Variants in TMEM132D observed in about 807,000 individuals in gnomAD.
TMEM132D encodes mature OL transmembrane protein.
Under a neutral mutation model 62.3 loss-of-function variants are expected in TMEM132D, and 21 were observed. The ratio of observed to expected loss-of-function variants is 0.34; its 90% confidence interval spans 0.24 to 0.49. The LOEUF is 0.49. Among genes scored for constraint, TMEM132D ranks in the 20% least tolerant of loss-of-function variants. The probability of loss-of-function intolerance (pLI) is 0.99; values close to 1 mark genes in which losing one functional copy is unlikely to be tolerated. For synonymous variants in TMEM132D, 621 were observed against 575.6 expected (o/e 1.08, Z -1.13); for missense variants, 1,346 against 1,402.8 (o/e 0.96, Z 0.65).
At chr12:129,578,641 G>T (rs1265697187) in intron 2 of TMEM132D, among the ~76,000 whole-genome samples, 1 of 152,024 alleles carries the variant, frequency 6.6e-6, no homozygotes, top group Non-Finnish European at 1.5e-5. Context: ...CCATCTGCAA[G>T]CTGGTGACCC....
intron 2 of TMEM132D, among the ~76,000 whole-genome samples, chr12:129,618,335 G>C (rs998026051): frequency 1.4e-4 from 22 of 152,200 alleles, no homozygotes; most frequent in African/African-American, 5.3e-4. Flanking sequence ...GGTCAGAGTA[G>C]TAATGCTTCA....
intron 4 of TMEM132D, among the ~76,000 whole-genome samples, chr12:129,322,935 T>C (rs1254421222): frequency 6.6e-6 from 1 of 152,238 alleles, no homozygotes; most frequent in Non-Finnish European, 1.5e-5. Flanking sequence ...TGTTGTCTTA[T>C]TATACTTGCA....
At chr12:129,213,979 T>A (rs531510263) in intron 4 of TMEM132D, among the ~76,000 whole-genome samples, 2 of 152,306 alleles carry the variant, frequency 1.3e-5, no homozygotes, top group East Asian at 1.9e-4. Context: ...CTAAGAATAG[T>A]TTCGTTGAGG....
Position 129,344,793 on chromosome 12 carries a change from A to G in TMEM132D, c.1116-6976T>C, listed in dbSNP as rs1258745083. Among the ~76,000 whole-genome samples, 6 of 151,504 alleles carry G rather than the reference A, an allele frequency of 4.0e-5. No individual in the cohort carries two copies. The East Asian group carries it at 1.2e-3, about 30-fold the overall frequency. The stretch of plus-strand genomic sequence containing the variant: ...TAACGGGTCTTAGGGATTTTAACTT[A>G]CTCTTTTCCTACGTGCCTCCCGATT... On this transcript the variant is annotated intron_variant, in intron 3 of 8. Transcript: ENST00000422113.
At chr12:129,509,414 G>A (rs1176132373) in intron 3 of TMEM132D, among the ~76,000 whole-genome samples, 2 of 152,060 alleles carry the variant, frequency 1.3e-5, no homozygotes, top group Non-Finnish European at 2.9e-5. Flanking sequence ...CATGCAATAT[G>A]TAATAACCAC....
At chr12:129,588,549 GT>G (rs1878095124) in intron 2 of TMEM132D, among the ~76,000 whole-genome samples, 1 of 151,794 alleles carries the variant, frequency 6.6e-6, no homozygotes, top group Admixed American at 6.6e-5. Flanking sequence ...GAATTGTGGG[GT>G]TTTTTCCTTA....
chr12:129,327,178 G>C lies in TMEM132D; in HGVS notation c.1299+10456C>G, dbSNP rs562080491. Among the ~76,000 whole-genome samples the C allele has an allele frequency of 3.3e-5, 5 of 152,242 alleles. No homozygotes were observed. In the South Asian group the frequency reaches 8.3e-4, roughly 25 times the overall value. On this transcript the variant is annotated intron_variant, in intron 4 of 8. Coordinates refer to ENST00000422113, the MANE Select transcript of TMEM132D (RefSeq NM_133448.3). ...ATCTGACCTCCTCTCTCCTCTCAGT[G>C]CCTTACATTGGCTGAATTCAAGCAG... is the stretch of plus-strand genomic sequence containing the variant.
At chr12:129,420,314 T>TTTTTG (rs1566063092) in intron 3 of TMEM132D, among the ~76,000 whole-genome samples, 14 of 55,146 alleles carry the variant, frequency 2.5e-4, no homozygotes, top group African/African-American at 8.0e-4. Flanking sequence ...CTGTTTTTTT[T>TTTTTG]TTTTTTTTTT....
At chr12:129,495,479 T>C (rs752855079) in intron 3 of TMEM132D, among the ~76,000 whole-genome samples, 8 of 152,100 alleles carry the variant, frequency 5.3e-5, no homozygotes, top group Admixed American at 1.3e-4. Context: ...GCCCCATACA[T>C]TCACACATTC....
intron 1 of TMEM132D, among the ~76,000 whole-genome samples, chr12:129,843,860 G>A (rs1319964989): frequency 3.9e-5 from 6 of 152,036 alleles, no homozygotes; most frequent in African/African-American, 1.5e-4. Flanking sequence ...AGGCCGAGGT[G>A]GGGGGATTGC....
At chr12:129,812,190 C>T (rs536457760) in intron 1 of TMEM132D, among the ~76,000 whole-genome samples, 6 of 151,854 alleles carry the variant, frequency 4.0e-5, no homozygotes, top group Admixed American at 3.9e-4. Flanking sequence ...AACGTGTCAT[C>T]ACCATCAGCT....
At position 129,725,865 on chromosome 12, in the gene TMEM132D, T is replaced by C. The variant is rs114779909; in HGVS notation, c.80-25167A>G. Among the ~76,000 whole-genome samples, 370 of 152,352 alleles carry C rather than the reference T, an allele frequency of 2.4e-3. 2 individuals are homozygous for C. The highest frequency in any genetic ancestry group is 8.4e-3 in the African/African-American group (350 of 41,584). On this transcript the variant is annotated intron_variant, in intron 1 of 8. Transcript: ENST00000422113. ...GGAACCTGGCTGGTAAGTGGTTTTCTATGTTAATAAAAAATTTCCCTAAAT... is the reference window on the plus strand; with the variant it reads ...GGAACCTGGCTGGTAAGTGGTTTTCCATGTTAATAAAAAATTTCCCTAAAT...
At chr12:129,105,242 A>G (rs1490328498) in intron 5 of TMEM132D, among the ~76,000 whole-genome samples, 8 of 144,064 alleles carry the variant, frequency 5.6e-5, no homozygotes, top group Non-Finnish European at 1.2e-4. Flanking sequence ...TGTCCTTTGT[A>G]GGGACATGGA....
intron 1 of TMEM132D, among the ~76,000 whole-genome samples, chr12:129,766,736 T>C (rs1870566248): frequency 6.6e-6 from 1 of 152,146 alleles, no homozygotes; most frequent in Admixed American, 6.5e-5. Context: ...ATGCACCTCC[T>C]AGTGACTCTC....
chr12:129,578,408 A>G (rs868516884), intron 2 of TMEM132D, among the ~76,000 whole-genome samples: 11 of 144,814 alleles, frequency 7.6e-5, no homozygotes, highest in Middle Eastern at 3.5e-3. Flanking sequence ...TAATACAATT[A>G]TGTGTGTGTG....
intron 1 of TMEM132D, among the ~76,000 whole-genome samples, chr12:129,754,378 T>A (rs80172345): frequency 6.6e-6 from 1 of 152,300 alleles, no homozygotes; most frequent in African/African-American, 2.4e-5. Flanking sequence ...ATGCTAAGTC[T>A]GGAACTTTGA....
chr12:129,289,497 TG>T (rs1167382282), intron 4 of TMEM132D, among the ~76,000 whole-genome samples: 2 of 142,966 alleles, frequency 1.4e-5, no homozygotes, highest in African/African-American at 5.3e-5. Context: ...TGAGCCGAGA[TG>T]GTGCCATTGC....
At position 129,321,620 on chromosome 12, in the gene TMEM132D, G is replaced by A. The variant is rs567947086; in HGVS notation, c.1299+16014C>T. ...CGCCCAGGCTGGAGTGCAGTGGCGCGATCTCAGCTCACTGCAAGCTCCACC... is the reference window on the plus strand; with the variant it reads ...CGCCCAGGCTGGAGTGCAGTGGCGCAATCTCAGCTCACTGCAAGCTCCACC... On this transcript the variant is annotated intron_variant, in intron 4 of 8. Coordinates refer to ENST00000422113, the MANE Select transcript of TMEM132D (RefSeq NM_133448.3). Among the ~76,000 whole-genome samples, 7 of 151,758 alleles carry A rather than the reference G, an allele frequency of 4.6e-5. No homozygotes were observed. The East Asian group carries it at 1.4e-3, about 30-fold the overall frequency.
At chr12:129,217,870 T>C (rs577422360) in intron 4 of TMEM132D, among the ~76,000 whole-genome samples, 1 of 152,330 alleles carries the variant, frequency 6.6e-6, no homozygotes, top group Non-Finnish European at 1.5e-5. Flanking sequence ...TTTTTGCTTT[T>C]CCTACCTCCT....
Sources: allele counts gnomAD v4.1 joint callset (sites outside exome capture counted in the v4.1 genomes callset), GRCh38; gene constraint gnomAD v4.1.1; transcripts MANE v1.5; gene names NCBI Gene and HGNC (gene_info 2026-07-23, HGNC 2026-07-21).